The following GALNT13 variants were observed in gnomAD, a reference collection of about 807,000 sequenced individuals.
GALNT13 encodes the protein polypeptide N-acetylgalactosaminyltransferase 13.
Under a neutral mutation model 64.2 loss-of-function variants are expected in GALNT13, and 28 were observed. That is an observed-to-expected ratio of 0.44 (90% CI 0.32 to 0.60). The LOEUF is 0.60. Among genes scored for constraint, GALNT13 ranks in the 20% least tolerant of loss-of-function variants. GALNT13 has a pLI of 0.05. For synonymous variants in GALNT13, 214 were observed against 224.6 expected (o/e 0.95, Z 0.42); for missense variants, 577 against 669.8 (o/e 0.86, Z 1.53).
At chr2:153,840,389 C>A in the GALNT13 span, among the ~76,000 whole-genome samples, 2 of 151,986 alleles carry the variant, frequency 1.3e-5, no homozygotes, top group Non-Finnish European at 2.9e-5. Context: ...TATGAACATA[C>A]TTGAGAATCA....
the GALNT13 span, among the ~76,000 whole-genome samples, chr2:153,379,509 C>A: frequency 6.6e-6 from 1 of 152,144 alleles, no homozygotes; most frequent in Non-Finnish European, 1.5e-5. Flanking sequence ...AATCAGACTT[C>A]TTTGTCTTCA....
the GALNT13 span, among the ~76,000 whole-genome samples, chr2:153,376,162 A>G: frequency 3.3e-5 from 5 of 152,202 alleles, no homozygotes; most frequent in Non-Finnish European, 7.3e-5. Context: ...AAGCTCAAAT[A>G]TTCAAACTAT....
At chr2:153,292,034 A>G in the GALNT13 span, among the ~76,000 whole-genome samples, 3 of 152,190 alleles carry the variant, frequency 2.0e-5, no homozygotes, top group African/African-American at 7.2e-5. Flanking sequence ...TAACAAAACT[A>G]TCTTTGATTT....
chr2:154,440,853 G>A (rs1221737361), intron 12 of GALNT13, among the ~76,000 whole-genome samples: 3 of 152,110 alleles, frequency 2.0e-5, no homozygotes, highest in Non-Finnish European at 4.4e-5. Flanking sequence ...CAGCTTTGAT[G>A]TGCGATTATA....
At chr2:153,363,318 A>G in the GALNT13 span, among the ~76,000 whole-genome samples, 1 of 152,166 alleles carries the variant, frequency 6.6e-6, no homozygotes, top group Non-Finnish European at 1.5e-5. Context: ...CATTGCAATG[A>G]AAAGAACTAG....
At chr2:153,075,895 T>C in the GALNT13 span, among the ~76,000 whole-genome samples, 4 of 152,076 alleles carry the variant, frequency 2.6e-5, no homozygotes, top group Non-Finnish European at 5.9e-5. Context: ...CTACCTTGCT[T>C]TTTTTTAACT....
intron 1 of GALNT13, among the ~76,000 whole-genome samples, chr2:153,883,931 TGTG>T (rs1378735750): frequency 2.6e-5 from 4 of 152,008 alleles, no homozygotes; most frequent in Admixed American, 6.6e-5. Flanking sequence ...GGAAGATAAT[TGTG>T]GTGATAGAAC....
intron 9 of GALNT13, among the ~76,000 whole-genome samples, chr2:154,381,859 C>T (rs1698290132): frequency 1.3e-5 from 2 of 152,046 alleles, no homozygotes; most frequent in South Asian, 2.1e-4. Flanking sequence ...GCAGCTGCTG[C>T]CTTCATCTTT....
the GALNT13 span, among the ~76,000 whole-genome samples, chr2:153,677,245 G>C: frequency 6.7e-6 from 1 of 149,386 alleles, no homozygotes. Context: ...ATTTGAGCTT[G>C]GAACCAAATC....
chr2:153,671,041 T>A, the GALNT13 span, among the ~76,000 whole-genome samples: 2 of 152,094 alleles, frequency 1.3e-5, no homozygotes, highest in Non-Finnish European at 2.9e-5. Flanking sequence ...CCAAGAAATA[T>A]GGGACTATGT....
intron 3 of GALNT13, among the ~76,000 whole-genome samples, chr2:154,098,139 C>G (rs1574494566): frequency 7.8e-6 from 1 of 129,006 alleles, no homozygotes; most frequent in Non-Finnish European, 1.6e-5. Flanking sequence ...CTTAATGTAT[C>G]TGGAATGTGG....
At chr2:153,353,821 C>A in the GALNT13 span, among the ~76,000 whole-genome samples, 38 of 152,088 alleles carry the variant, frequency 2.5e-4, no homozygotes, top group Non-Finnish European at 5.2e-4. Flanking sequence ...GTATGTAATT[C>A]TTTTGATATA....
chr2:154,230,010 A>G (rs945392716), intron 4 of GALNT13, among the ~76,000 whole-genome samples: 2 of 152,140 alleles, frequency 1.3e-5, no homozygotes, highest in Non-Finnish European at 1.5e-5. Flanking sequence ...TACTGATTCC[A>G]TGCAATAATT....
chr2:153,181,030 C>CTTTTTTTTTTTTTTTT, the GALNT13 span, among the ~76,000 whole-genome samples: 19 of 32,070 alleles, frequency 5.9e-4, 2 homozygotes, highest in African/African-American at 1.4e-3. Flanking sequence ...TTTATTGTTT[C>CTTTTTTTTTTTTTTTT]TTTTTTTTTT....
intron 3 of GALNT13, among the ~76,000 whole-genome samples, chr2:154,040,848 A>C: frequency 7.1e-6 from 1 of 140,488 alleles, no homozygotes; most frequent in East Asian, 2.0e-4. Context: ...TCAAAATATT[A>C]ATATATTATT....
chr2:154,282,446 A>G (rs1218037033), intron 8 of GALNT13, among the ~76,000 whole-genome samples: 3 of 152,306 alleles, frequency 2.0e-5, no homozygotes, highest in Middle Eastern at 3.4e-3. Context: ...TATCATTCCC[A>G]TCTAAAAATA....
At chr2:153,727,085 C>T in the GALNT13 span, among the ~76,000 whole-genome samples, 1 of 152,006 alleles carries the variant, frequency 6.6e-6, no homozygotes, top group African/African-American at 2.4e-5. Context: ...ATATTGAAAC[C>T]TGTAAAACAT....
chr2:153,197,438 A>G, the GALNT13 span, among the ~76,000 whole-genome samples: 2 of 152,238 alleles, frequency 1.3e-5, no homozygotes, highest in Non-Finnish European at 2.9e-5. Flanking sequence ...TCAATGGCCA[A>G]CCAGTAGGTG....
intron 2 of GALNT13, among the ~76,000 whole-genome samples, chr2:153,934,609 G>A (rs989770232): frequency 5.3e-5 from 8 of 151,998 alleles, no homozygotes; most frequent in African/African-American, 9.7e-5. Flanking sequence ...TTGCATATAC[G>A]GATATCCATT....
Sources: gnomAD v4.1 joint callset for allele counts (sites outside exome capture counted in the v4.1 genomes callset) on GRCh38, gnomAD v4.1.1 for gene constraint, MANE v1.5 for transcripts, NCBI Gene and HGNC (gene_info 2026-07-23, HGNC 2026-07-21) for gene names.